The following PIP4K2B variants were observed in gnomAD, a reference collection of about 807,000 sequenced individuals.
The protein encoded by PIP4K2B is phosphatidylinositol 5-phosphate 4-kinase type-2 beta.
A neutral mutation model predicts 42.0 loss-of-function variants in PIP4K2B; 3 were observed. The ratio of observed to expected loss-of-function variants is 0.07; its 90% CI spans 0.03 to 0.18. The LOEUF (loss-of-function observed/expected upper bound fraction) is 0.18. PIP4K2B is among the 10% of genes least tolerant of loss of function. PIP4K2B has a pLI of 1.00. For synonymous variants in PIP4K2B, 204 were observed against 210.1 expected (o/e 0.97, Z 0.25); for missense variants, 332 against 562.3 (o/e 0.59, Z 4.14).
chr17:38,780,585 G>A lies in PIP4K2B; in HGVS notation c.374C>T (p.Ala125Val), dbSNP rs1216175674. 2 of 1,612,050 alleles carry A rather than the reference G, an allele frequency of 1.2e-6. No individual in the cohort carries two copies. Among genetic ancestry groups the A allele is most frequent in the Admixed American group, 1.7e-5 (1 of 59,932 alleles). ...QDYQNSVTRS[A>V]PINSDSQGRC... Reference sequence around the variant, plus strand: ...ACCCTGGCTGTCACTGTTGATGGGGGCGCTGCGCGTCACTGAATTCTGATA... The same window carrying A: ...ACCCTGGCTGTCACTGTTGATGGGGACGCTGCGCGTCACTGAATTCTGATA... The change falls in exon 4 of 10, where the codon GCC (alanine) becomes GTC (valine). Residue 125 changes from alanine to valine, a missense_variant. Around this residue, in one of 6 missense-constraint regions of PIP4K2B, gnomAD observed 186 missense variants for 288.4 expected, o/e 0.64. Coordinates refer to ENST00000619039, the MANE Select transcript of PIP4K2B (RefSeq NM_003559.5).
In PIP4K2B at chr17:38,769,649, C is replaced by G; in HGVS notation, c.*42G>C. 8.5e-7 allele frequency: 1 copy of G among 1,176,664 alleles called. No individual in the cohort carries two copies. Among genetic ancestry groups the G allele is most frequent in the Non-Finnish European group, 1.3e-6 (1 of 780,286 alleles). The allele number at this position is 1,176,664 out of a possible 1,614,324, so 72.9% of individuals were successfully genotyped here. A position where few individuals can be genotyped will look rare whatever the true frequency, so the allele number is the denominator to read the frequency against. On this transcript the variant is annotated 3_prime_UTR_variant, in exon 10 of 10. Coordinates refer to ENST00000619039, the MANE Select transcript of PIP4K2B (RefSeq NM_003559.5). ...TTCTCCCTAACTCCCGATCCCCGAC[C>G]CCATATCCAGCTCTCTGGCTCTGGC... is the stretch of plus-strand genomic sequence containing the variant.
intron 7 of PIP4K2B, among the ~76,000 whole-genome samples, chr17:38,777,354 C>T (rs1300728994): frequency 6.6e-6 from 1 of 152,218 alleles, no homozygotes; most frequent in African/African-American, 2.4e-5. Flanking sequence ...ACCTTAATAG[C>T]TGGGTTCCTA....
intron 1 of PIP4K2B, among the ~76,000 whole-genome samples, chr17:38,795,050 A>G (rs228235): frequency 0.2 from 28,989 of 145,812 alleles, 3,076 homozygotes; most frequent in Admixed American, 0.27. Context: ...CAGTGAGCCA[A>G]GATCACACCG....
chr17:38,769,888 C>T, intron 9 of PIP4K2B, 117 bp from the exon 10 acceptor site: 2 of 881,496 alleles, frequency 2.3e-6, no homozygotes, highest in Non-Finnish European at 3.8e-6. Flanking sequence ...CTGAATACCA[C>T]CCCCAACCCC....
chr17:38,777,679 G>A lies in PIP4K2B; in HGVS notation c.807+8C>T. ...GCCTTGCAGGTGAAAATGAAGGTTA[G>A]TAAGTACCTCAACGTCCCGCTTCAG... On this transcript the variant is annotated splice_region_variant and intron_variant, in intron 7 of 9. Transcript: ENST00000619039. The A allele has an allele frequency of 6.3e-7, 1 of 1,576,514 alleles. No homozygotes were observed. Among genetic ancestry groups the A allele is most frequent in the South Asian group, 1.1e-5 (1 of 90,286 alleles).
intron 1 of PIP4K2B, among the ~76,000 whole-genome samples, chr17:38,793,328 C>T (rs189844303): frequency 4.6e-5 from 7 of 151,876 alleles, no homozygotes; most frequent in East Asian, 3.9e-4. Context: ...AATGCAACCG[C>T]CGTCTCCCAG....
At chr17:38,780,321 C>A in intron 4 of PIP4K2B, 131 bp downstream of exon 4, 1 of 674,740 alleles carries the variant, frequency 1.5e-6, no homozygotes, top group Non-Finnish European at 2.4e-6. Context: ...GCAGGAGAGT[C>A]CCACTGCTTG....
intron 1 of PIP4K2B, among the ~76,000 whole-genome samples, chr17:38,796,276 G>A (rs1910658878): frequency 6.6e-6 from 1 of 152,210 alleles, no homozygotes; most frequent in Non-Finnish European, 1.5e-5. Context: ...TGGTAGACAT[G>A]TAAAATGGTA....
In PIP4K2B at chr17:38,784,336, C is replaced by G. The variant is rs957393580; in HGVS notation, c.261G>C (p.Glu87Asp). 6.2e-7 allele frequency: 1 copy of G among 1,602,102 alleles called. No individual in the cohort carries two copies. Among genetic ancestry groups the G allele is most frequent in the Non-Finnish European group, 8.6e-7 (1 of 1,169,204 alleles). The change falls in exon 3 of 10, where the codon GAG becomes GAC. Residue 87 changes from glutamate (E) to aspartate (D), a missense_variant. Physicochemically the swap from Glu to Asp is conservative, Grantham distance 45 (BLOSUM62 2). Coordinates refer to ENST00000619039, the MANE Select transcript of PIP4K2B (RefSeq NM_003559.5). ...TAAACTTAAAGCGGCTGGGCAGGTT[C>G]TCCCTAGGGAAAAGCAGAGATATGT... ...IKVDNHLFNK[E>D]NLPSRFKFKE... is the part of the protein sequence containing the mutation.
rs1908811217 is a variant in PIP4K2B at position 38,768,282 on chromosome 17, G to GT, written c.*1408_*1409insA. 1.3e-5 allele frequency: 2 copies of GT among 152,362 alleles called. No individual in the cohort carries two copies. Among genetic ancestry groups the GT allele is most frequent in the Non-Finnish European group, 2.9e-5 (2 of 68,056 alleles). The allele number at this position is 152,362 out of a possible 1,614,324, so 9.4% of individuals were successfully genotyped here. On this transcript the variant is annotated 3_prime_UTR_variant, in exon 10 of 10. Coordinates refer to ENST00000619039, the MANE Select transcript of PIP4K2B (RefSeq NM_003559.5). ...TTCTCTCCTGGCCAGAGCAGCCTGT[G>GT]GCTCAGTTCTGAGGGCCTGGGTGGC...
In PIP4K2B at chr17:38,771,151, T is replaced by A. The variant is rs111902097; in HGVS notation, c.929A>T (p.Asp310Val). 6.2e-7 allele frequency: 1 copy of A among 1,614,070 alleles called. No homozygotes were observed. The highest frequency in any genetic ancestry group is 8.5e-7 in the Non-Finnish European group (1 of 1,179,996). The stretch of plus-strand genomic sequence containing the variant: ...GCAGAGTAGGTTGCCACCCACCCCA[T>A]CATTCTCACACTCCTCGTCCTCTGC... ...ERAEDEECEN[D>V]GVGGNLLCSY... is the part of the protein sequence containing the mutation. The change falls in exon 8 of 10, where the codon GAT (aspartate) becomes GTT (valine). Residue 310 changes from aspartate to valine, a missense_variant. Physicochemically the swap from Asp to Val is radical, Grantham distance 152 (BLOSUM62 -3). Transcript: ENST00000619039.
chr17:38,771,259 A>T lies in PIP4K2B; in HGVS notation c.821T>A (p.Leu274Gln). The T allele has an allele frequency of 6.2e-7, 1 of 1,614,148 alleles. No homozygotes were observed. Among genetic ancestry groups the T allele is most frequent in the East Asian group, 2.2e-5 (1 of 44,880 alleles). ...CAGCAGGCTGTAGTCCATGATCTTC[A>T]GCTGTGCCAAGAACTAGGAAGGGCA... is the stretch of plus-strand genomic sequence containing the variant. ...LKRDVEFLAQ[L>Q]KIMDYSLLVG... The change falls in exon 8 of 10, where the codon CTG becomes CAG. Residue 274 changes from leucine to glutamine, a missense_variant. Physicochemically the swap from Leu to Gln is moderately radical, Grantham distance 113 (BLOSUM62 -2). Around this residue, in one of 6 missense-constraint regions of PIP4K2B, gnomAD observed 26 missense variants for 23.7 expected, o/e 1.10. Transcript: ENST00000619039.
chr17:38,783,212 A>AG (rs1909809626), intron 3 of PIP4K2B, among the ~76,000 whole-genome samples: 1 of 151,342 alleles, frequency 6.6e-6, no homozygotes, highest in African/African-American at 2.4e-5. Flanking sequence ...AAAAAAAAAA[A>AG]AAAAAAGTCA....
intron 7 of PIP4K2B, among the ~76,000 whole-genome samples, chr17:38,771,546 CA>C (rs58817119): frequency 0.29 from 11,677 of 39,748 alleles, 172 homozygotes; most frequent in South Asian, 0.37. Context: ...GAGATGGTCT[CA>C]AAAAAAAAAA....
chr17:38,795,124 A>AG (rs1910584850), intron 1 of PIP4K2B, among the ~76,000 whole-genome samples: 1 of 143,152 alleles, frequency 7.0e-6, no homozygotes, highest in Admixed American at 7.0e-5. Flanking sequence ...AAAAAAAAAA[A>AG]GAAAAATGAA....
At chr17:38,795,264 A>G (rs1384128727) in intron 1 of PIP4K2B, among the ~76,000 whole-genome samples, 2 of 152,140 alleles carry the variant, frequency 1.3e-5, no homozygotes, top group Admixed American at 1.3e-4. Context: ...AATGGGCAAA[A>G]AGATCTTTGT....
rs1341032820 is a variant in PIP4K2B, at chr17:38,767,871, G to A, written c.*1820C>T. The A allele has an allele frequency of 1.3e-5, 2 of 152,344 alleles. No homozygotes were observed. The highest frequency in any genetic ancestry group is 1.9e-4 in the East Asian group (1 of 5,188). 9.4% of individuals were successfully genotyped at this position (152,344 alleles called of 1,614,324 possible). ...GTTCCCTAAGTCATGTAGTGGTCTTGCGGCAGTTGTTCAGACCTACCTATG... is the reference window on the plus strand; with the variant it reads ...GTTCCCTAAGTCATGTAGTGGTCTTACGGCAGTTGTTCAGACCTACCTATG... On this transcript the variant is annotated 3_prime_UTR_variant, in exon 10 of 10. Transcript: ENST00000619039.
chr17:38,775,139 G>A lies in PIP4K2B; in HGVS notation c.807+2548C>T, dbSNP rs551248263. On this transcript the variant is annotated intron_variant, in intron 7 of 9. Coordinates refer to ENST00000619039, the MANE Select transcript of PIP4K2B (RefSeq NM_003559.5). ...TAATTTTGTTTTTGCATTTTTAGTA[G>A]AGACGGGGTTTCACCGTGTTAGCCA... 2.8e-4 allele frequency among the ~76,000 whole-genome samples: 42 copies of A among 152,192 alleles called. 1 individual carries two copies. In the South Asian group the frequency reaches 5.8e-3, roughly 21 times the overall value.
intron 3 of PIP4K2B, among the ~76,000 whole-genome samples, chr17:38,782,436 G>C (rs960257425): frequency 1.2e-4 from 18 of 152,200 alleles, no homozygotes; most frequent in Admixed American, 2.6e-4. Flanking sequence ...CCCCTCACTT[G>C]CAACCCCTCA....
Sources: gnomAD v4.1 joint callset for allele counts (sites outside exome capture counted in the v4.1 genomes callset) on GRCh38, gnomAD v4.1.1 for gene constraint, gnomAD v4.1.1 regional missense constraint, MANE v1.5 for transcripts, NCBI Gene and HGNC (gene_info 2026-07-23, HGNC 2026-07-21) for gene names.